Variants in CACNB3 observed in about 807,000 individuals in gnomAD.
The protein encoded by CACNB3 is calcium voltage-gated channel auxiliary subunit beta 3, also known as voltage-dependent L-type calcium channel subunit beta-3.
A neutral mutation model predicts 63.7 loss-of-function variants in CACNB3; 36 were observed. The observed-to-expected ratio is 0.57, with a 90% CI of 0.43 to 0.75. The LOEUF (loss-of-function observed/expected upper bound fraction) is 0.75. Ranked by LOEUF, CACNB3 falls within the 30% of genes least tolerant of loss-of-function variation. The pLI, the probability that CACNB3 is intolerant of heterozygous loss-of-function variation, is 0.00. For missense variants in CACNB3, 493 were observed against 648.6 expected (o/e 0.76, Z 2.61); for synonymous variants, 241 against 250.6 (o/e 0.96, Z 0.36).
upstream of CACNB3, chr12:48,815,427 G>A: frequency 1.4e-6 from 1 of 719,230 alleles, no homozygotes; most frequent in Non-Finnish European, 2.2e-6. Context: ...AGACGGAAGT[G>A]GAGAGAGGCT....
At chr12:48,827,199 C>A in intron 12 of CACNB3, 76 bp downstream of exon 12, 1 of 1,531,116 alleles carries the variant, frequency 6.5e-7, no homozygotes, top group Non-Finnish European at 8.9e-7. Flanking sequence ...AGAGGACTGT[C>A]CTTGGCCTCC....
rs779429114 is a variant in CACNB3 at position 48,824,682 on chromosome 12, C to G, written c.421C>G (p.Pro141Ala). 1.9e-5 allele frequency: 30 copies of G among 1,613,648 alleles called. No individual in the cohort carries two copies. Among genetic ancestry groups the G allele is most frequent in the Non-Finnish European group, 2.1e-5 (25 of 1,179,908 alleles). The change falls in exon 5 of 13, where the codon CCT becomes GCT. Residue 141 changes from proline (P) to alanine (A), a missense_variant. Physicochemically the swap from Pro to Ala is conservative, Grantham distance 27. Transcript: ENST00000301050. ...QEQKARRSGNPSSLSDIGNRR... is the reference protein window; with the variant it reads ...QEQKARRSGNASSLSDIGNRR... ...CTTTCTTCTCAGGAGATCTGGGAAC[C>G]CTTCCAGCCTGAGTGACATTGGCAA... is the stretch of plus-strand genomic sequence containing the variant.
At chr12:48,824,781 C>T (rs1355121761) in intron 5 of CACNB3, 48 bp downstream of exon 5, 15 of 1,586,262 alleles carry the variant, frequency 9.5e-6, no homozygotes, top group Non-Finnish European at 1.3e-5. Context: ...GTAGCTAAGA[C>T]ACAGGGAAAG....
rs1053532414 is a variant in CACNB3, at chr12:48,823,661, C to T, written c.169-20C>T. ...TGCTTCGAGCCTTCTCTCACTTGCA[C>T]TAATGGGCAAATTCTCCAGCACAAA... On this transcript the variant is annotated intron_variant, in intron 2 of 12. Coordinates refer to ENST00000301050, the MANE Select transcript of CACNB3 (RefSeq NM_000725.4). The surrounding 1 kb of genome is among the most constrained non-coding windows in gnomAD (Gnocchi z 4.2). The T allele has an allele frequency of 5.0e-6, 8 of 1,614,090 alleles. No homozygotes were observed. The South Asian group carries it at 5.5e-5, about 11-fold the overall frequency.
upstream of CACNB3, among the ~76,000 whole-genome samples, chr12:48,816,590 A>G (rs907848125): frequency 2.0e-5 from 3 of 152,216 alleles, no homozygotes. Context: ...GAAGCTCTGA[A>G]GCTACTGCAG....
In CACNB3 at chr12:48,823,182, T is replaced by C. The variant is rs2137454479; in HGVS notation, c.46-162T>C. On this transcript the variant is annotated intron_variant, in intron 1 of 12. Coordinates refer to ENST00000301050, the MANE Select transcript of CACNB3 (RefSeq NM_000725.4). This position sits in a 1 kb window ranked among gnomAD's most constrained non-coding sequence, Gnocchi z 4.2. ...AGCTTTCCTGTAGCCTCAGAGGCAC[T>C]GGGGCCCTTCTCAGGGGATAGGAGG... Among the ~76,000 whole-genome samples the C allele has an allele frequency of 6.6e-6, 1 of 152,182 alleles. No individual in the cohort carries two copies. The highest frequency in any genetic ancestry group is 2.1e-4 in the South Asian group (1 of 4,822).
Position 48,818,838 on chromosome 12 carries a change from G to A in CACNB3, c.-92G>A. The A allele has an allele frequency of 7.0e-7, 1 of 1,419,154 alleles. No individual in the cohort carries two copies. The highest frequency in any genetic ancestry group is 2.9e-5 in the East Asian group (1 of 33,904). The allele number at this position is 1,419,154 out of a possible 1,614,324, so 87.9% of individuals were successfully genotyped here. On this transcript the variant is annotated 5_prime_UTR_variant, in exon 1 of 13. Coordinates refer to ENST00000301050, the MANE Select transcript of CACNB3 (RefSeq NM_000725.4). The surrounding 1 kb of genome is among the most constrained non-coding windows in gnomAD (Gnocchi z 4.3). ...CGCCCGCAGGGCTGCGGGGCTCGGT[G>A]GCATCTCCCGGGCGCGGCCCGCAGT...
chr12:48,821,561 C>T (rs1937849155), intron 1 of CACNB3: 1 of 152,212 alleles, frequency 6.6e-6, no homozygotes. Flanking sequence ...TCAGACTCCT[C>T]TTTTAGCACA....
rs1239899988 is a variant in CACNB3, at chr12:48,818,498, C to T, written c.-432C>T. 3 of 1,002,422 alleles carry T rather than the reference C, an allele frequency of 3.0e-6. No individual in the cohort carries two copies. Among genetic ancestry groups the T allele is most frequent in the South Asian group, 4.4e-5 (1 of 22,912 alleles). 62.1% of individuals were successfully genotyped at this position (1,002,422 alleles called of 1,614,324 possible). A position where few individuals can be genotyped will look rare whatever the true frequency, so the allele number is the denominator to read the frequency against. On this transcript the variant is annotated 5_prime_UTR_variant, in exon 1 of 13. Coordinates refer to ENST00000301050, the MANE Select transcript of CACNB3 (RefSeq NM_000725.4). This position sits in a 1 kb window ranked among gnomAD's most constrained non-coding sequence, Gnocchi z 4.3. ...CCGCCCTGCCCGCAGCCTCTCCTCCCCTTCCTCCCCGCCGCCACGGCCCCG... is the reference window on the plus strand; with the variant it reads ...CCGCCCTGCCCGCAGCCTCTCCTCCTCTTCCTCCCCGCCGCCACGGCCCCG...
rs2137439439 is a variant in CACNB3, at chr12:48,818,723, G to C, written c.-207G>C. 1 of 1,288,184 alleles carries C rather than the reference G, an allele frequency of 7.8e-7. No homozygotes were observed. Among genetic ancestry groups the C allele is most frequent in the Non-Finnish European group, 9.8e-7 (1 of 1,019,226 alleles). The allele number at this position is 1,288,184 out of a possible 1,614,324, so 79.8% of individuals were successfully genotyped here. On this transcript the variant is annotated 5_prime_UTR_variant, in exon 1 of 13. Transcript: ENST00000301050. The surrounding 1 kb of genome is among the most constrained non-coding windows in gnomAD (Gnocchi z 4.3). ...CGGGGTGGGACCGGCTGGGTTTGGGGGGGTGGGGTGGGGGGAGCGGTGATC... is the reference window on the plus strand; with the variant it reads ...CGGGGTGGGACCGGCTGGGTTTGGGCGGGTGGGGTGGGGGGAGCGGTGATC...
rs1378360303 is a variant in CACNB3, at chr12:48,825,892, G to T, written c.742+123G>T. 1.6e-5 allele frequency: 10 copies of T among 640,062 alleles called. No individual in the cohort carries two copies. The highest frequency in any genetic ancestry group is 2.7e-5 in the Admixed American group (1 of 37,622). 39.6% of individuals were successfully genotyped at this position (640,062 alleles called of 1,614,324 possible). ...CACCTAGGCTGGAGTGCAGTGGTGA[G>T]ATCTCGGCTCACTGCAACCTCCACC... On this transcript the variant is annotated intron_variant, in intron 9 of 12. Transcript: ENST00000301050. This position sits in a 1 kb window ranked among gnomAD's most constrained non-coding sequence, Gnocchi z 4.5.
rs937711919 is a variant in CACNB3, at chr12:48,823,160, T to C, written c.46-184T>C. ...CTTTGCACCTATGGATTGGGCCAGC[T>C]TTCCTGTAGCCTCAGAGGCACTGGG... is the stretch of plus-strand genomic sequence containing the variant. On this transcript the variant is annotated intron_variant, in intron 1 of 12. Transcript: ENST00000301050. This position sits in a 1 kb window ranked among gnomAD's most constrained non-coding sequence, Gnocchi z 4.2. Among the ~76,000 whole-genome samples the C allele has an allele frequency of 2.6e-5, 4 of 152,158 alleles. No homozygotes were observed. The highest frequency in any genetic ancestry group is 9.7e-5 in the African/African-American group (4 of 41,436).
rs2453470 is a variant in CACNB3, at chr12:48,828,490, C to T, written c.*591C>T. Reference sequence around the variant, plus strand: ...ACTGGAGCAGCAGGCTGGCCACGCTCGGGCCAGAGAGAGCTCACAGCTGAA... The same window carrying T: ...ACTGGAGCAGCAGGCTGGCCACGCTTGGGCCAGAGAGAGCTCACAGCTGAA... On this transcript the variant is annotated 3_prime_UTR_variant, in exon 13 of 13. Coordinates refer to ENST00000301050, the MANE Select transcript of CACNB3 (RefSeq NM_000725.4). The T allele has an allele frequency of 0.085, 30,049 of 351,748 alleles. 1,650 individuals are homozygous for T. The highest frequency in any genetic ancestry group is 0.11 in the Non-Finnish European group (20,136 of 177,308). The allele number at this position is 351,748 out of a possible 1,614,324, so 21.8% of individuals were successfully genotyped here. A position where few individuals can be genotyped will look rare whatever the true frequency, so the allele number is the denominator to read the frequency against.
rs768257256 is a variant in CACNB3 at position 48,826,437 on chromosome 12, T to C, written c.813T>C (p.Ala271=). 1.2e-6 allele frequency: 2 copies of C among 1,614,178 alleles called. No individual in the cohort carries two copies. The change falls in exon 10 of 13, where the codon GCT becomes GCC. Residue 271 remains alanine (A), a synonymous_variant. Coordinates refer to ENST00000301050, the MANE Select transcript of CACNB3 (RefSeq NM_000725.4). The surrounding 1 kb of genome is among the most constrained non-coding windows in gnomAD (Gnocchi z 4.8). ...AKSLQLVVLD[A]DTINHPAQLA... The stretch of plus-strand genomic sequence containing the variant: ...CCCTGCAGCTAGTAGTGTTGGACGC[T>C]GACACCATCAACCACCCAGCACAGC...
At chr12:48,824,504 C>G in intron 4 of CACNB3, 131 bp downstream of exon 4, 2 of 1,038,592 alleles carry the variant, frequency 1.9e-6, no homozygotes, top group Non-Finnish European at 2.8e-6. Flanking sequence ...CAGCTCTACA[C>G]ACTCAACACT....
At chr12:48,815,737 G>A, upstream of CACNB3, 2 of 1,370,242 alleles carry the variant, frequency 1.5e-6, no homozygotes, top group Middle Eastern at 1.8e-4. Flanking sequence ...AGGTAACCGT[G>A]GGGGGGGTGT....
Position 48,826,298 on chromosome 12 carries a change from C to A in CACNB3, c.743-69C>A. 2 of 1,527,706 alleles carry A rather than the reference C, an allele frequency of 1.3e-6. No homozygotes were observed. Among genetic ancestry groups the A allele is most frequent in the Non-Finnish European group, 1.8e-6 (2 of 1,104,662 alleles). The allele number at this position is 1,527,706 out of a possible 1,614,324, so 94.6% of individuals were successfully genotyped here. A position where few individuals can be genotyped will look rare whatever the true frequency, so the allele number is the denominator to read the frequency against. ...TCCTTCCTGTCCACCATTCGGGAGC[C>A]CTCAAAGCCTGCTGGAGTGAGCAGT... is the stretch of plus-strand genomic sequence containing the variant. On this transcript the variant is annotated intron_variant, in intron 9 of 12. Coordinates refer to ENST00000301050, the MANE Select transcript of CACNB3 (RefSeq NM_000725.4). This position sits in a 1 kb window ranked among gnomAD's most constrained non-coding sequence, Gnocchi z 4.8.
At chr12:48,814,537 TC>T, upstream of CACNB3, 1 of 1,527,208 alleles carries the variant, frequency 6.5e-7, no homozygotes, top group Non-Finnish European at 8.7e-7. The surrounding 1 kb of genome is among the most constrained non-coding windows in gnomAD (Gnocchi z 6.9). Flanking sequence ...GGGGCGCCCC[TC>T]GAGACCAGGA....
chr12:48,825,001 T>C lies in CACNB3; in HGVS notation c.492+33T>C. 6.2e-7 allele frequency: 1 copy of C among 1,601,026 alleles called. No homozygotes were observed. The highest frequency in any genetic ancestry group is 8.5e-7 in the Non-Finnish European group (1 of 1,176,180). ...AAGGAAGGGACCTGGGCTGGGGGGA[T>C]CATGGCTTATGGCTCTGGGGACAGT... On this transcript the variant is annotated intron_variant, in intron 6 of 12. Coordinates refer to ENST00000301050, the MANE Select transcript of CACNB3 (RefSeq NM_000725.4). The surrounding 1 kb of genome is among the most constrained non-coding windows in gnomAD (Gnocchi z 4.5).
Sources: gnomAD v4.1 joint callset for allele counts (sites outside exome capture counted in the v4.1 genomes callset) on GRCh38, gnomAD v4.1.1 for gene constraint, Gnocchi (gnomAD v3.1) non-coding constraint, MANE v1.5 for transcripts, NCBI Gene and HGNC (gene_info 2026-07-23, HGNC 2026-07-21) for gene names.